The following CLYBL variants were observed in gnomAD, a reference collection of about 807,000 sequenced individuals.
CLYBL encodes the protein citramalyl-CoA lyase, mitochondrial.
In CLYBL, 31 loss-of-function variants were observed where a neutral mutation model predicts 38.9. That is an observed-to-expected ratio of 0.80 (90% CI 0.60 to 1.08). CLYBL has a LOEUF of 1.08. CLYBL is among the 50% of genes least tolerant of loss of function. The probability of loss-of-function intolerance (pLI) is 0.00; values close to 1 mark genes in which losing one functional copy is unlikely to be tolerated. For synonymous variants in CLYBL, 171 were observed against 158.6 expected (o/e 1.08, Z -0.59); for missense variants, 434 against 411.6 (o/e 1.05, Z -0.47).
chr13:99,869,767 A>T lies in CLYBL; in HGVS notation c.803-1171A>T, dbSNP rs1475904079. Among the ~76,000 whole-genome samples the T allele has an allele frequency of 6.6e-6, 1 of 152,144 alleles. No homozygotes were observed. Among genetic ancestry groups the T allele is most frequent in the East Asian group, 1.9e-4 (1 of 5,202 alleles). ...ATAAAACATCAAGGATATAATTTCT[A>T]CTGTCTAAATGTTAAAATAACTATT... On this transcript the variant is annotated intron_variant, in intron 6 of 8. Coordinates refer to ENST00000339105, the MANE Select transcript of CLYBL (RefSeq NM_206808.5). This position sits in a 1 kb window ranked among gnomAD's most constrained non-coding sequence, Gnocchi z 4.3.
Position 99,891,368 on chromosome 13 carries a change from G to A in CLYBL, c.978G>A (p.Gln326=), listed in dbSNP as rs915081444. The stretch of plus-strand genomic sequence containing the variant: ...TGATCGACATGCCATTACTGAAGCA[G>A]GCCCAGAACACTGTTACGCTTGCCA... The part of the protein sequence containing the change: ...GSMIDMPLLK[Q]AQNTVTLATS... The change falls in exon 8 of 9, where the codon CAG becomes CAA. Residue 326 remains glutamine (Q), a synonymous_variant. Coordinates refer to ENST00000339105, the MANE Select transcript of CLYBL (RefSeq NM_206808.5). 6 of 1,613,818 alleles carry A rather than the reference G, an allele frequency of 3.7e-6. No individual in the cohort carries two copies. The Admixed American group carries it at 1.0e-4, about 27-fold the overall frequency.
chr13:99,683,755 AAGG>A (rs2139406027), intron 1 of CLYBL, among the ~76,000 whole-genome samples: 1 of 151,090 alleles, frequency 6.6e-6, no homozygotes, highest in South Asian at 2.1e-4. Flanking sequence ...TTTTTTTAAT[AAGG>A]AGGCGTATAG....
intron 1 of CLYBL, among the ~76,000 whole-genome samples, chr13:99,705,525 A>G (rs1347538473): frequency 6.6e-6 from 1 of 152,082 alleles, no homozygotes; most frequent in East Asian, 1.9e-4. Flanking sequence ...GGTTGCAGTG[A>G]GCCAAGATTG....
At chr13:99,611,093 A>G (rs1173264379) in intron 1 of CLYBL, among the ~76,000 whole-genome samples, 3 of 152,192 alleles carry the variant, frequency 2.0e-5, no homozygotes, top group African/African-American at 2.4e-5. Context: ...GATGGGGGCT[A>G]TTGATTTTCA....
Position 99,606,732 on chromosome 13 carries a change from G to T in CLYBL, c.37G>T (p.Ala13Ser), listed in dbSNP as rs1298779613. The T allele has an allele frequency of 2.0e-6, 3 of 1,488,298 alleles. No homozygotes were observed. The South Asian group carries it at 3.8e-5, about 19-fold the overall frequency. The allele number at this position is 1,488,298 out of a possible 1,614,324, so 92.2% of individuals were successfully genotyped here. Residue 13 changes from alanine (A) to serine (S), a missense_variant, in exon 1 of 9, where the codon GCT becomes TCT. Transcript: ENST00000339105. ...LRLLRRAARGAAAAALLRLKA... is the reference protein window; with the variant it reads ...LRLLRRAARGSAAAALLRLKA... ...TCTGCTGCGGAGGGCGGCGCGCGGA[G>T]CTGCGGCGGCGGCGCTGCTGAGGCT... is the stretch of plus-strand genomic sequence containing the variant.
chr13:99,609,907 GTTCTTTTT>G (rs56020206), intron 1 of CLYBL, among the ~76,000 whole-genome samples: 2,785 of 150,736 alleles, frequency 0.018, 45 homozygotes, highest in Non-Finnish European at 0.029. Flanking sequence ...CTTTCCTTTA[GTTCTTTTT>G]TTCTTTCTTT....
chr13:99,631,651 T>A (rs1388669130), intron 1 of CLYBL, among the ~76,000 whole-genome samples: 1 of 151,656 alleles, frequency 6.6e-6, no homozygotes, highest in Non-Finnish European at 1.5e-5. Flanking sequence ...CAGGCTGGAG[T>A]GCAGTGGCGT....
chr13:99,859,248 A>G (rs1210233117), intron 3 of CLYBL, among the ~76,000 whole-genome samples, 199 bp downstream of exon 3: 21 of 152,254 alleles, frequency 1.4e-4, no homozygotes, highest in Admixed American at 1.4e-3. Context: ...CTATGAAACA[A>G]CTGCACTTTT....
At chr13:99,718,155 A>G (rs2048345477) in intron 1 of CLYBL, among the ~76,000 whole-genome samples, 1 of 152,130 alleles carries the variant, frequency 6.6e-6, no homozygotes, top group Non-Finnish European at 1.5e-5. Flanking sequence ...CTGAAACTAT[A>G]GGCATTAGCT....
chr13:99,833,007 C>CACATATATATATATATATATATAT (rs1555314794), intron 2 of CLYBL, among the ~76,000 whole-genome samples: 1 of 51,574 alleles, frequency 1.9e-5, no homozygotes, highest in African/African-American at 7.7e-5. Flanking sequence ...TACATACATA[C>CACATATATATATATATATATATAT]ATATATATAT....
intron 1 of CLYBL, among the ~76,000 whole-genome samples, chr13:99,766,216 A>T (rs1344300802): frequency 6.6e-6 from 1 of 151,986 alleles, no homozygotes; most frequent in Non-Finnish European, 1.5e-5. Flanking sequence ...CTCATTTTTT[A>T]AAGATTTTTT....
chr13:99,669,973 A>G (rs907890603), intron 1 of CLYBL, among the ~76,000 whole-genome samples: 2 of 152,026 alleles, frequency 1.3e-5, no homozygotes, highest in Admixed American at 6.6e-5. Context: ...CAGGCAGATC[A>G]TTTGAAGTCA....
intron 2 of CLYBL, among the ~76,000 whole-genome samples, chr13:99,809,460 T>A (rs2050297119): frequency 6.6e-6 from 1 of 152,210 alleles, no homozygotes; most frequent in African/African-American, 2.4e-5. Flanking sequence ...GATTTCAAGC[T>A]TGGTAATAAA....
intron 2 of CLYBL, among the ~76,000 whole-genome samples, chr13:99,808,240 C>A (rs982384763): frequency 4.6e-5 from 7 of 152,296 alleles, no homozygotes; most frequent in Non-Finnish European, 7.4e-5. Flanking sequence ...CCCACACCCC[C>A]ACTCCAGGCT....
intron 1 of CLYBL, among the ~76,000 whole-genome samples, chr13:99,755,716 T>G (rs1032681394): frequency 3.9e-5 from 6 of 152,152 alleles, no homozygotes; most frequent in Non-Finnish European, 8.8e-5. Context: ...AGAGCTCCCA[T>G]GAAGTCTCCC....
chr13:99,880,244 T>C (rs2052169326), intron 7 of CLYBL, among the ~76,000 whole-genome samples: 1 of 151,862 alleles, frequency 6.6e-6, no homozygotes, highest in Non-Finnish European at 1.5e-5. Context: ...ATTGTATTTT[T>C]GGTAGAGACG....
intron 1 of CLYBL, among the ~76,000 whole-genome samples, chr13:99,640,283 A>G (rs574112884): frequency 1.3e-5 from 2 of 152,192 alleles, no homozygotes; most frequent in Admixed American, 1.3e-4. Flanking sequence ...AAAATCATTT[A>G]TCTTGGAGCT....
chr13:99,880,880 G>A (rs1412935873), intron 7 of CLYBL, among the ~76,000 whole-genome samples: 2 of 152,222 alleles, frequency 1.3e-5, no homozygotes, highest in Non-Finnish European at 2.9e-5. Context: ...GCACCTTTCA[G>A]AGCTTGGAAA....
chr13:99,905,318 TA>T (rs2052685236), exon 9 of CLYBL, among the ~76,000 whole-genome samples: 1 of 151,992 alleles, frequency 6.6e-6, no homozygotes, highest in Non-Finnish European at 1.5e-5. Flanking sequence ...AACAAGAGGG[TA>T]AAGTTCATAC....
Sources: gnomAD v4.1 joint callset for allele counts (sites outside exome capture counted in the v4.1 genomes callset) on GRCh38, gnomAD v4.1.1 for gene constraint, Gnocchi (gnomAD v3.1) non-coding constraint, MANE v1.5 for transcripts, NCBI Gene and HGNC (gene_info 2026-07-23, HGNC 2026-07-21) for gene names.